The following C4orf50 variants were observed in gnomAD, a reference collection of about 807,000 sequenced individuals.
The protein encoded by C4orf50 is chromosome 4 open reading frame 50.
A neutral mutation model predicts 77.2 loss-of-function variants in C4orf50; 80 were observed. The ratio of observed to expected loss-of-function variants is 1.04; its 90% CI spans 0.87 to 1.25. The LOEUF (loss-of-function observed/expected upper bound fraction) is 1.25. C4orf50 is among the 50% of genes most tolerant of loss of function. The pLI is 0.00. For synonymous variants in C4orf50, 532 were observed against 465.3 expected (o/e 1.14, Z -1.84); for missense variants, 1,257 against 1,152.9 (o/e 1.09, Z -1.31).
At chr4:5,925,475 T>C (rs1382058795) in intron 7 of C4orf50, among the ~76,000 whole-genome samples, 10 of 152,212 alleles carry the variant, frequency 6.6e-5, no homozygotes, top group Non-Finnish European at 1.2e-4. Context: ...TCAGGACCGA[T>C]GGTCACCCTG....
chr4:5,933,418 G>A (rs906802896), intron 7 of C4orf50, among the ~76,000 whole-genome samples: 3 of 152,192 alleles, frequency 2.0e-5, no homozygotes, highest in Admixed American at 6.5e-5. Flanking sequence ...GGCAGCTCCT[G>A]CCTCCACCTC....
rs1560535846 is a variant in C4orf50 at position 5,908,105 on chromosome 4, G to T, written c.*2475-9917C>A. 6.6e-6 allele frequency among the ~76,000 whole-genome samples: 1 copy of T among 152,032 alleles called. No individual in the cohort carries two copies. The highest frequency in any genetic ancestry group is 1.5e-5 in the Non-Finnish European group (1 of 68,034). ...CACTCATTTATTTGCTCATTTTTAA[G>T]TACCTACTATATGCCAGGCACTGTG... On this transcript the variant is annotated intron_variant, in intron 7 of 7. Coordinates refer to the C4orf50 transcript ENST00000324058. This position sits in a 1 kb window ranked among gnomAD's most constrained non-coding sequence, Gnocchi z 5.6.
At position 6,004,820 on chromosome 4, in the gene C4orf50, G is replaced by GAT. The variant is rs1441498816; in HGVS notation, c.963+3175_963+3176insAT. ...TGGTGATGGTGATGTTGGTGATGATGGTGATAGTGATGATGTGATGGTGAT... is the reference window on the plus strand; with the variant it reads ...TGGTGATGGTGATGTTGGTGATGATGATGTGATAGTGATGATGTGATGGTGAT... On this transcript the variant is annotated intron_variant, in intron 25 of 33. Coordinates refer to ENST00000531445, the Ensembl canonical transcript of C4orf50. Among the ~76,000 whole-genome samples, 22 of 150,938 alleles carry GAT rather than the reference G, an allele frequency of 1.5e-4. No homozygotes were observed. In the East Asian group the frequency reaches 3.9e-3, roughly 27 times the overall value.
At chr4:5,998,415 A>T (rs1721690474) in intron 25 of C4orf50, among the ~76,000 whole-genome samples, 1 of 152,158 alleles carries the variant, frequency 6.6e-6, no homozygotes, top group African/African-American at 2.4e-5. Context: ...AGAGAAACAA[A>T]TGTGTAATAC....
Position 5,975,139 on chromosome 4 carries a change from C to CAAAAAAAAAAAAA in C4orf50, c.3921+747_3921+759dup, listed in dbSNP as rs763836859. 1.1e-4 allele frequency among the ~76,000 whole-genome samples: 9 copies of CAAAAAAAAAAAAA among 82,870 alleles called. 1 individual carries two copies. The highest frequency in any genetic ancestry group is 2.0e-4 in the African/African-American group (5 of 24,506). 54.4% of individuals were successfully genotyped at this position (82,870 alleles called of 152,430 possible). A position where few individuals can be genotyped will look rare whatever the true frequency, so the allele number is the denominator to read the frequency against. On this transcript the variant is annotated intron_variant, in intron 30 of 33. Transcript: ENST00000531445. Reference sequence around the variant, plus strand: ...TGGGCGACAGAGTGACACTCCATCTCAAAAAAAAAAAAAAAAAAAAAAAAA... The same window carrying CAAAAAAAAAAAAA: ...TGGGCGACAGAGTGACACTCCATCTCAAAAAAAAAAAAAAAAAAAAAAAAAAAAAAAAAAAAAA...
At chr4:5,953,138 C>T (rs1238556624), downstream of C4orf50, among the ~76,000 whole-genome samples, 3 of 152,192 alleles carry the variant, frequency 2.0e-5, no homozygotes, top group African/African-American at 2.4e-5. Context: ...TGTGAGTCCC[C>T]GCCCCACTGA....
rs1721772020 is a variant in C4orf50 at position 6,000,193 on chromosome 4, G to C, written c.964-5717C>G. ...GAAGATGCACTGGCAGCCTTGGGCA[G>C]TCACACAGCATGCGATGCTCTCTGG... On this transcript the variant is annotated intron_variant, in intron 25 of 33. Transcript: ENST00000531445. This position sits in a 1 kb window ranked among gnomAD's most constrained non-coding sequence, Gnocchi z 6.0. Among the ~76,000 whole-genome samples the C allele has an allele frequency of 2.0e-5, 3 of 152,032 alleles. No individual in the cohort carries two copies. The highest frequency in any genetic ancestry group is 2.0e-4 in the Admixed American group (3 of 15,280).
intron 7 of C4orf50, among the ~76,000 whole-genome samples, chr4:5,921,170 A>G (rs1717252365): frequency 6.6e-6 from 1 of 152,204 alleles, no homozygotes; most frequent in African/African-American, 2.4e-5. Flanking sequence ...GGAGGATCCC[A>G]GGGGATGACA....
At position 5,989,174 on chromosome 4, in the gene C4orf50, C is replaced by CG. The variant is rs754688335; in HGVS notation, c.2871_2872insC (p.Val958ArgfsTer5). Reference sequence around the variant, plus strand: ...TCTCTCTCTCTTTCAAGGGCGCACACTCTTTCATGGAACCTCTCTTGGTCT... The same window carrying CG: ...TCTCTCTCTCTTTCAAGGGCGCACACGTCTTTCATGGAACCTCTCTTGGTCT... On this transcript the variant is annotated frameshift_variant, in exon 28 of 34. Transcript: ENST00000531445. LOFTEE classifies it high-confidence loss of function. The CG allele has an allele frequency of 6.5e-7, 1 of 1,536,110 alleles. No individual in the cohort carries two copies. Among genetic ancestry groups the CG allele is most frequent in the South Asian group, 1.2e-5 (1 of 84,056 alleles).
chr4:5,951,782 G>A (rs188285608), intron 7 of C4orf50, among the ~76,000 whole-genome samples: 108 of 151,988 alleles, frequency 7.1e-4, no homozygotes, highest in African/African-American at 2.1e-3. Context: ...TTCGCTCTCC[G>A]TCCGACCTAC....
At chr4:5,990,257 C>G in exon 28 of C4orf50, 1 of 1,221,152 alleles carries the variant, frequency 8.2e-7, no homozygotes, top group Non-Finnish European at 1.0e-6. Flanking sequence ...TCCTCTGCAG[C>G]TCCAGCCCCA....
At chr4:5,979,547 G>A (rs1370120391) in intron 29 of C4orf50, among the ~76,000 whole-genome samples, 7 of 152,232 alleles carry the variant, frequency 4.6e-5, no homozygotes, top group Non-Finnish European at 8.8e-5. Flanking sequence ...TAAGGTTGAG[G>A]AGAAGGAAAG....
intron 32 of C4orf50, among the ~76,000 whole-genome samples, chr4:5,967,079 C>T (rs569588721): frequency 1.3e-5 from 2 of 152,320 alleles, no homozygotes; most frequent in African/African-American, 4.8e-5. Context: ...ACTGAGGGTT[C>T]CTCCCAGTTT....
chr4:5,988,421 C>T (rs758011833), exon 28 of C4orf50: 1 of 1,610,170 alleles, frequency 6.2e-7, no homozygotes, highest in Non-Finnish European at 8.5e-7. Context: ...TCCTCTTTCT[C>T]CAAATGTGCT....
At chr4:6,004,232 G>GTGA (rs1430261732) in intron 25 of C4orf50, among the ~76,000 whole-genome samples, 1 of 46,208 alleles carries the variant, frequency 2.2e-5, no homozygotes, top group African/African-American at 8.1e-5. Context: ...TGATGTGATG[G>GTGA]TGATGATGAT....
intron 7 of C4orf50, among the ~76,000 whole-genome samples, chr4:5,910,830 G>C (rs74699677): frequency 0.055 from 8,323 of 151,346 alleles, 290 homozygotes; most frequent in South Asian, 0.087. Flanking sequence ...CCTCTCTATT[G>C]AATTTGAAAG....
Position 6,018,036 on chromosome 4 carries a change from G to A in C4orf50, c.287+109C>T, listed in dbSNP as rs1036833876. 5.0e-6 allele frequency: 2 copies of A among 397,616 alleles called. No individual in the cohort carries two copies. Among genetic ancestry groups the A allele is most frequent in the Non-Finnish European group, 8.9e-6 (2 of 225,954 alleles). The allele number at this position is 397,616 out of a possible 1,614,324, so 24.6% of individuals were successfully genotyped here. A position where few individuals can be genotyped will look rare whatever the true frequency, so the allele number is the denominator to read the frequency against. ...CGTGGGCAGGTTACGTGTCTTTGGT[G>A]AGCCAGTTTCCCCAGCTGTGTGGTG... is the stretch of plus-strand genomic sequence containing the variant. On this transcript the variant is annotated intron_variant, in intron 23 of 33. Transcript: ENST00000531445. The surrounding 1 kb of genome is among the most constrained non-coding windows in gnomAD (Gnocchi z 5.1).
At chr4:5,988,552 G>T in exon 28 of C4orf50, 1 of 1,537,110 alleles carries the variant, frequency 6.5e-7, no homozygotes, top group African/African-American at 1.4e-5. Context: ...GCCTGTGGAA[G>T]GTCCTGTCTG....
At chr4:5,914,442 G>A (rs1252991396) in intron 7 of C4orf50, among the ~76,000 whole-genome samples, 1 of 151,966 alleles carries the variant, frequency 6.6e-6, no homozygotes, top group Non-Finnish European at 1.5e-5. Context: ...CTGACCTTGT[G>A]GTCCACCCGC....
Sources: allele counts gnomAD v4.1 joint callset (sites outside exome capture counted in the v4.1 genomes callset), GRCh38; gene constraint gnomAD v4.1.1; non-coding constraint Gnocchi (gnomAD v3.1); transcripts MANE v1.5; gene names NCBI Gene and HGNC (gene_info 2026-07-23, HGNC 2026-07-21).